TRAK1: variants seen among roughly 807,000 people sequenced by gnomAD.
TRAK1 encodes the protein trafficking kinesin protein 1.
Under a neutral mutation model 92.1 loss-of-function variants are expected in TRAK1, and 33 were observed. That is an observed-to-expected ratio of 0.36 (90% CI 0.27 to 0.48). The LOEUF is 0.48. TRAK1 is among the 20% of genes least tolerant of loss of function. The pLI is 0.99. For missense variants in TRAK1, 1,123 were observed against 1,257.9 expected (o/e 0.89, Z 1.62); for synonymous variants, 521 against 517.3 (o/e 1.01, Z -0.10).
intron 1 of TRAK1, among the ~76,000 whole-genome samples, chr3:42,103,747 G>T (rs1395674360): frequency 6.6e-6 from 1 of 152,178 alleles, no homozygotes; most frequent in Non-Finnish European, 1.5e-5. Flanking sequence ...AACAGCTCCA[G>T]TCTGCAGCTC....
intron 14 of TRAK1, chr3:42,210,418 A>G (rs1708886035): frequency 7.7e-7 from 1 of 1,305,542 alleles, no homozygotes; most frequent in South Asian, 2.9e-5. Flanking sequence ...AAAAAAAAAA[A>G]AAAAAAAGTG....
chr3:42,019,110 T>C (rs1701638150), intron 1 of TRAK1, among the ~76,000 whole-genome samples: 1 of 151,068 alleles, frequency 6.6e-6, no homozygotes, highest in Non-Finnish European at 1.5e-5. Flanking sequence ...AACAGAGTAT[T>C]AAAAAAGAAA....
intron 1 of TRAK1, among the ~76,000 whole-genome samples, chr3:42,054,347 C>G (rs1158072205): frequency 6.6e-6 from 1 of 152,168 alleles, no homozygotes; most frequent in African/African-American, 2.4e-5. Context: ...GTGCCCCAGC[C>G]TGGTAGGCAG....
At chr3:42,194,740 G>C in intron 9 of TRAK1, 64 bp from the exon 10 acceptor site, 1 of 1,577,552 alleles carries the variant, frequency 6.3e-7, no homozygotes, top group African/African-American at 1.3e-5. Context: ...CCTTCGGATG[G>C]GCAGATGTGT....
chr3:42,188,841 G>A (rs1003311488), intron 5 of TRAK1, among the ~76,000 whole-genome samples, 175 bp from the exon 6 acceptor site: 3 of 152,168 alleles, frequency 2.0e-5, no homozygotes, highest in Admixed American at 6.5e-5. Flanking sequence ...GTTGAGATGT[G>A]GGTTCAGAAT....
chr3:42,031,505 G>A (rs1702146745), intron 1 of TRAK1, among the ~76,000 whole-genome samples: 1 of 113,024 alleles, frequency 8.8e-6, no homozygotes, highest in Admixed American at 1.0e-4. Context: ...ATGGTGGTGT[G>A]CGCCTGTAGT....
In TRAK1 at chr3:42,193,199, A is replaced by C. The variant is rs188394460; in HGVS notation, c.894A>C (p.Ala298=). The change falls in exon 8 of 16, where the codon GCA becomes GCC. Residue 298 remains alanine, a synonymous_variant. Coordinates refer to ENST00000327628, the MANE Select transcript of TRAK1 (RefSeq NM_001042646.3). The part of the protein sequence containing the change: ...LSQIVDLQKK[A]KACAVENEEL... ...AAATAGTTGATTTGCAGAAAAAGGC[A>C]AAAGCTGTAAGGCTTCTCTGTTTAT... 1.1e-5 allele frequency: 17 copies of C among 1,614,046 alleles called. No individual in the cohort carries two copies. In the African/African-American group the frequency reaches 1.2e-4, roughly 11 times the overall value.
intron 1 of TRAK1, among the ~76,000 whole-genome samples, chr3:42,062,493 A>C (rs1703490359): frequency 6.6e-6 from 1 of 152,214 alleles, no homozygotes; most frequent in African/African-American, 2.4e-5. Context: ...AACCAGCTTA[A>C]ATACAGCATG....
In TRAK1 at chr3:42,225,242, G is replaced by A. The variant is rs1298447405; in HGVS notation, c.*1505G>A. 2.0e-5 allele frequency: 3 copies of A among 152,238 alleles called. No homozygotes were observed. Among genetic ancestry groups the A allele is most frequent in the East Asian group, 3.9e-4 (2 of 5,186 alleles). The allele number at this position is 152,238 out of a possible 1,614,324, so 9.4% of individuals were successfully genotyped here. A position where few individuals can be genotyped will look rare whatever the true frequency, so the allele number is the denominator to read the frequency against. On this transcript the variant is annotated 3_prime_UTR_variant, in exon 16 of 16. Transcript: ENST00000327628. ...GTGACACCGTGTTCCAGACATTTATGGAAGGAAAACATCCCATATAAATGA... is the reference window on the plus strand; with the variant it reads ...GTGACACCGTGTTCCAGACATTTATAGAAGGAAAACATCCCATATAAATGA...
chr3:42,026,073 A>G (rs1701903289), intron 1 of TRAK1, among the ~76,000 whole-genome samples: 1 of 143,804 alleles, frequency 7.0e-6, no homozygotes, highest in African/African-American at 2.6e-5. Context: ...GCTTTCCTCT[A>G]TTTTTCTGTA....
chr3:42,079,788 CCTT>C (rs1396607487), intron 1 of TRAK1, among the ~76,000 whole-genome samples: 1 of 151,916 alleles, frequency 6.6e-6, no homozygotes, highest in Non-Finnish European at 1.5e-5. Flanking sequence ...GCTGGAAGCT[CCTT>C]TTTTTTTGTT....
chr3:42,061,758 A>G (rs528045733), intron 1 of TRAK1, among the ~76,000 whole-genome samples: 26 of 152,264 alleles, frequency 1.7e-4, no homozygotes, highest in African/African-American at 6.3e-4. Context: ...AACAATATAT[A>G]CCAGTTTATT....
At chr3:42,210,216 A>C in intron 14 of TRAK1, 1 of 1,544,296 alleles carries the variant, frequency 6.5e-7, no homozygotes, top group Non-Finnish European at 8.7e-7. Context: ...CACCATCCGT[A>C]GTGGTTCTCT....
Position 42,108,492 on chromosome 3 carries a change from T to TAA in TRAK1, c.92-16907_92-16906dup, listed in dbSNP as rs10578367. Among the ~76,000 whole-genome samples, 206 of 120,220 alleles carry TAA rather than the reference T, an allele frequency of 1.7e-3. 1 individual carries two copies. The highest frequency in any genetic ancestry group is 6.1e-3 in the African/African-American group (192 of 31,396). 78.9% of individuals were successfully genotyped at this position (120,220 alleles called of 152,430 possible). On this transcript the variant is annotated intron_variant, in intron 1 of 15. Transcript: ENST00000327628. ...GGTGACAGGAGTGAGACCCTGCCTTTAAAAAAAAAAAAAAAAAAAAAAGAT... is the reference window on the plus strand; with the variant it reads ...GGTGACAGGAGTGAGACCCTGCCTTTAAAAAAAAAAAAAAAAAAAAAAAAGAT...
intron 3 of TRAK1, 58 bp from the exon 4 acceptor site, chr3:42,184,627 G>T: frequency 6.5e-7 from 1 of 1,530,922 alleles, no homozygotes; most frequent in Non-Finnish European, 9.0e-7. Context: ...GAGCACCATT[G>T]ACTCCTTCAG....
chr3:42,070,044 G>A (rs1157166062), intron 1 of TRAK1, among the ~76,000 whole-genome samples: 1 of 151,606 alleles, frequency 6.6e-6, no homozygotes, highest in Non-Finnish European at 1.5e-5. Flanking sequence ...TAGAGACAGG[G>A]TTTCACCATG....
chr3:42,140,147 C>T (rs1698467596), intron 2 of TRAK1, among the ~76,000 whole-genome samples: 1 of 152,160 alleles, frequency 6.6e-6, no homozygotes, highest in Non-Finnish European at 1.5e-5. Context: ...CAAATGCCAT[C>T]TCCCTGCTTT....
intron 2 of TRAK1, among the ~76,000 whole-genome samples, chr3:42,174,732 A>C (rs916735294): frequency 1.3e-5 from 2 of 149,022 alleles, no homozygotes; most frequent in Non-Finnish European, 3.0e-5. Flanking sequence ...ATATATATAC[A>C]AAAATTTTTT....
chr3:42,156,408 G>A (rs922915828), intron 2 of TRAK1, among the ~76,000 whole-genome samples: 2 of 152,222 alleles, frequency 1.3e-5, no homozygotes, highest in Non-Finnish European at 2.9e-5. Context: ...AGAGTCTAGG[G>A]TGGTCCTGTG....
Sources: allele counts gnomAD v4.1 joint callset (sites outside exome capture counted in the v4.1 genomes callset), GRCh38; gene constraint gnomAD v4.1.1; transcripts MANE v1.5; gene names NCBI Gene and HGNC (gene_info 2026-07-23, HGNC 2026-07-21).